Variants in DNAH14 observed in about 807,000 individuals in gnomAD.
DNAH14 encodes axonemal beta dynein heavy chain 14.
Under a neutral mutation model 520.9 loss-of-function variants are expected in DNAH14, and 478 were observed. That is an observed-to-expected ratio of 0.92 (90% CI 0.85 to 0.99). The LOEUF is 0.99. DNAH14 is among the 50% of genes least tolerant of loss of function. The pLI, the probability that DNAH14 is intolerant of heterozygous loss-of-function variation, is 0.00. For missense variants in DNAH14, 4,831 were observed against 5,234.5 expected, an observed-to-expected ratio of 0.92 and a Z score of 2.38; for synonymous variants, 1,581 against 1,757.2, an observed-to-expected ratio of 0.90 and a Z score of 2.51.
At chr1:225,236,153 G>T (rs1337447162) in intron 42 of DNAH14, among the ~76,000 whole-genome samples, 1 of 152,090 alleles carries the variant, frequency 6.6e-6, no homozygotes, top group Non-Finnish European at 1.5e-5. Context: ...GCTTTTTGAT[G>T]TGGGCATTTA....
intron 41 of DNAH14, among the ~76,000 whole-genome samples, chr1:225,222,740 G>T (rs2090161312): frequency 6.6e-6 from 1 of 152,138 alleles, no homozygotes; most frequent in Non-Finnish European, 1.5e-5. Context: ...AATCCAGCTG[G>T]CTTTGCCTCT....
At chr1:224,957,074 C>G (rs998648864) in intron 3 of DNAH14, among the ~76,000 whole-genome samples, 1 of 152,054 alleles carries the variant, frequency 6.6e-6, no homozygotes, top group African/African-American at 2.4e-5. Flanking sequence ...AAAGATCACT[C>G]TGGCTGTATA....
chr1:225,130,622 A>G (rs980625757), intron 27 of DNAH14, among the ~76,000 whole-genome samples: 7 of 137,238 alleles, frequency 5.1e-5, no homozygotes, highest in Non-Finnish European at 1.1e-4. Flanking sequence ...TTGAACAATG[A>G]GAACACATGG....
chr1:225,240,571 C>T, intron 42 of DNAH14, 22 bp from the exon 43 acceptor site: 3 of 1,378,878 alleles, frequency 2.2e-6, no homozygotes, highest in Non-Finnish European at 3.0e-6. Context: ...AACCTTCATC[C>T]TTCCATACCT....
intron 1 of DNAH14, among the ~76,000 whole-genome samples, chr1:224,939,299 T>G: frequency 6.6e-6 from 1 of 152,154 alleles, no homozygotes; most frequent in Non-Finnish European, 1.5e-5. Flanking sequence ...AGTAGAACCC[T>G]CAGATGCACT....
chr1:225,335,834 T>TACAC (rs1333647999), intron 66 of DNAH14, among the ~76,000 whole-genome samples: 1 of 84,510 alleles, frequency 1.2e-5, no homozygotes, highest in African/African-American at 5.1e-5. Context: ...CATATGTACA[T>TACAC]ATATGTACAT....
At chr1:225,379,462 CATTAGATAG>C (rs1221735430) in intron 79 of DNAH14, among the ~76,000 whole-genome samples, 1 of 152,114 alleles carries the variant, frequency 6.6e-6, no homozygotes, top group Non-Finnish European at 1.5e-5. Flanking sequence ...GACCCTCTAA[CATTAGATAG>C]ATCTGTAGCT....
rs373409086 is a variant in DNAH14, at chr1:225,010,953, A to G, written c.1107+3409A>G. On this transcript the variant is annotated intron_variant, in intron 10 of 85. Transcript: ENST00000682510. ...GATCAGTAGTTGTCTCCCCTTCATCATTTTTTATTGTGTCTACTAGATTCT... is the reference window on the plus strand; with the variant it reads ...GATCAGTAGTTGTCTCCCCTTCATCGTTTTTTATTGTGTCTACTAGATTCT... 9.4e-5 allele frequency among the ~76,000 whole-genome samples: 14 copies of G among 149,716 alleles called. No individual in the cohort carries two copies. The East Asian group carries it at 2.0e-3, about 21-fold the overall frequency.
At chr1:225,274,379 T>G (rs1466590008) in intron 52 of DNAH14, among the ~76,000 whole-genome samples, 1 of 151,816 alleles carries the variant, frequency 6.6e-6, no homozygotes, top group African/African-American at 2.4e-5. Flanking sequence ...TAATTTTTTT[T>G]GTATTTTTAG....
At chr1:225,002,649 A>T in intron 8 of DNAH14, 134 bp from the exon 9 acceptor site, 1 of 869,428 alleles carries the variant, frequency 1.2e-6, no homozygotes, top group Non-Finnish European at 1.7e-6. Context: ...CTTACTAATC[A>T]TTATCGTTTA....
rs534014549 is a variant in DNAH14 at position 224,978,961 on chromosome 1, A to G, written c.830+4808A>G. On this transcript the variant is annotated intron_variant, in intron 8 of 85. Coordinates refer to ENST00000682510, the MANE Select transcript of DNAH14 (RefSeq NM_001367479.1). ...TGACCCTTAAAAAAGAGGATATTGA[A>G]TGTTATCAAGTCAAAGAAATGATAA... 2.6e-5 allele frequency among the ~76,000 whole-genome samples: 4 copies of G among 152,298 alleles called. No homozygotes were observed. The South Asian group carries it at 6.2e-4, about 24-fold the overall frequency.
chr1:225,223,142 A>T (rs1461848432), intron 41 of DNAH14, among the ~76,000 whole-genome samples: 1 of 152,150 alleles, frequency 6.6e-6, no homozygotes, highest in Non-Finnish European at 1.5e-5. Flanking sequence ...AAAGGGATAC[A>T]CTACAGCTAT....
chr1:225,223,323 T>C (rs1398832893), intron 41 of DNAH14, among the ~76,000 whole-genome samples: 1 of 152,206 alleles, frequency 6.6e-6, no homozygotes, highest in Non-Finnish European at 1.5e-5. Flanking sequence ...AAAGGGTTAA[T>C]TGAGGTCACT....
In DNAH14 at chr1:225,271,805, C is replaced by T. The variant is rs969482643; in HGVS notation, c.7672-101C>T. On this transcript the variant is annotated intron_variant, in intron 50 of 85. Transcript: ENST00000682510. ...ATTTTAACATTTAATGAAATTAATCCTCCATTATAGTACACAAGTCCGCTT... is the reference window on the plus strand; with the variant it reads ...ATTTTAACATTTAATGAAATTAATCTTCCATTATAGTACACAAGTCCGCTT... 26 of 841,538 alleles carry T rather than the reference C, an allele frequency of 3.1e-5. No homozygotes were observed. In the African/African-American group the frequency reaches 3.8e-4, roughly 12 times the overall value. 52.1% of individuals were successfully genotyped at this position (841,538 alleles called of 1,614,324 possible). A position where few individuals can be genotyped will look rare whatever the true frequency, so the allele number is the denominator to read the frequency against.
chr1:225,097,043 G>T, intron 21 of DNAH14, 75 bp from the exon 22 acceptor site: 1 of 1,272,826 alleles, frequency 7.9e-7, no homozygotes, highest in East Asian at 2.6e-5. Context: ...CCTTTGATCT[G>T]TTTCTGTTAT....
intron 10 of DNAH14, among the ~76,000 whole-genome samples, chr1:225,017,252 C>T (rs1302708743): frequency 6.6e-6 from 1 of 152,196 alleles, no homozygotes; most frequent in East Asian, 1.9e-4. Context: ...ACTTTATAGG[C>T]TTCAGCACAT....
intron 17 of DNAH14, among the ~76,000 whole-genome samples, chr1:225,077,672 T>A (rs2072468996): frequency 6.6e-6 from 1 of 152,194 alleles, no homozygotes; most frequent in Non-Finnish European, 1.5e-5. Context: ...TTTATCAGAA[T>A]AAAGCTATTT....
rs796667791 is a variant in DNAH14, at chr1:225,335,487, A to G, written c.10081-1779A>G. ...TGTACATGTGTGTGTATGCACATATACACGTGTGTACATGTACACATATAC... is the reference window on the plus strand; with the variant it reads ...TGTACATGTGTGTGTATGCACATATGCACGTGTGTACATGTACACATATAC... On this transcript the variant is annotated intron_variant, in intron 66 of 85. Coordinates refer to ENST00000682510, the MANE Select transcript of DNAH14 (RefSeq NM_001367479.1). 3.3e-3 allele frequency among the ~76,000 whole-genome samples: 420 copies of G among 127,854 alleles called. 24 individuals are homozygous for G. The highest frequency in any genetic ancestry group is 3.9e-3 in the Non-Finnish European group (236 of 60,272). The allele number at this position is 127,854 out of a possible 152,430, so 83.9% of individuals were successfully genotyped here.
At chr1:224,936,215 A>G (rs1278341929) in intron 1 of DNAH14, among the ~76,000 whole-genome samples, 1 of 151,854 alleles carries the variant, frequency 6.6e-6, no homozygotes, top group African/African-American at 2.4e-5. Flanking sequence ...AATAATAAAG[A>G]TCAGATCTAA....
Sources: allele counts gnomAD v4.1 joint callset (sites outside exome capture counted in the v4.1 genomes callset), GRCh38; gene constraint gnomAD v4.1.1; transcripts MANE v1.5; gene names NCBI Gene and HGNC (gene_info 2026-07-23, HGNC 2026-07-21).